Variants in ZBTB21 observed in about 807,000 individuals in gnomAD.
ZBTB21 encodes zinc finger and BTB domain-containing protein 21.
A neutral mutation model predicts 39.8 loss-of-function variants in ZBTB21; 10 were observed. The observed-to-expected ratio is 0.25, with a 90% CI of 0.16 to 0.43. The LOEUF (loss-of-function observed/expected upper bound fraction) is 0.43. ZBTB21 is among the 20% of genes least tolerant of loss of function. The pLI is 1.00. For missense variants in ZBTB21, 1,221 were observed against 1,296.3 expected, an observed-to-expected ratio of 0.94 and a Z score of 0.89; for synonymous variants, 551 against 498.8, an observed-to-expected ratio of 1.10 and a Z score of -1.40.
rs371914276 is a variant in ZBTB21 at position 41,991,615 on chromosome 21, T to C, written c.2481A>G (p.Gln827=). Residue 827 remains glutamine, a synonymous_variant, in exon 3 of 3, where the codon CAA becomes CAG. Coordinates refer to ENST00000310826, the MANE Select transcript of ZBTB21 (RefSeq NM_001098402.2). This position sits in a 1 kb window ranked among gnomAD's most constrained non-coding sequence, Gnocchi z 4.9. ...NGDVTGSSRP[Q]SQPEPNKVNH... ...TTACTTTGTTGGGCTCAGGCTGGGA[T>C]TGGGGCCTTGAAGAACCAGTCACAT... 1.8e-5 allele frequency: 29 copies of C among 1,614,060 alleles called. No homozygotes were observed. In the Middle Eastern group the frequency reaches 4.9e-4, roughly 27 times the overall value.
intron 1 of ZBTB21, chr21:42,009,715 G>A (rs1439479965): frequency 1.3e-5 from 2 of 152,696 alleles, no homozygotes; most frequent in Non-Finnish European, 2.9e-5. Context: ...CGAGGACGGG[G>A]CGGCGGGGCT....
At position 41,991,993 on chromosome 21, in the gene ZBTB21, A is replaced by G; in HGVS notation, c.2103T>C (p.Asn701=). Residue 701 remains asparagine (N), a synonymous_variant, in exon 3 of 3, where the codon AAT becomes AAC. Coordinates refer to ENST00000310826, the MANE Select transcript of ZBTB21 (RefSeq NM_001098402.2). This position sits in a 1 kb window ranked among gnomAD's most constrained non-coding sequence, Gnocchi z 4.9. ...CATGCTCTTTTGGTTTAGCAACTTT[A>G]TTTACTCCAAGGGGTTTTTCTCCTG... ...MHPGEKPLGV[N]KVAKPKEHAP... is the part of the protein sequence containing the mutation. 6.2e-7 allele frequency: 1 copy of G among 1,614,056 alleles called. No individual in the cohort carries two copies. Among genetic ancestry groups the G allele is most frequent in the Non-Finnish European group, 8.5e-7 (1 of 1,180,008 alleles).
intron 1 of ZBTB21, among the ~76,000 whole-genome samples, chr21:42,005,830 C>G (rs925913357): frequency 1.3e-5 from 2 of 152,192 alleles, no homozygotes; most frequent in Admixed American, 6.5e-5. Flanking sequence ...CCCCCACTTT[C>G]TAGTGAGATA....
rs1413205635 is a variant in ZBTB21 at position 41,989,567 on chromosome 21, T to C, written c.*1328A>G. ...GAAACACATTGAACTTTGGATATCC[T>C]ACTGAAAGGCTTTCAATTACAAATT... On this transcript the variant is annotated 3_prime_UTR_variant, in exon 3 of 3. Coordinates refer to ENST00000310826, the MANE Select transcript of ZBTB21 (RefSeq NM_001098402.2). The C allele has an allele frequency of 1.3e-5, 2 of 152,180 alleles. No homozygotes were observed. The highest frequency in any genetic ancestry group is 2.4e-5 in the African/African-American group (1 of 41,464). 9.4% of individuals were successfully genotyped at this position (152,180 alleles called of 1,614,324 possible). A position where few individuals can be genotyped will look rare whatever the true frequency, so the allele number is the denominator to read the frequency against.
chr21:42,008,540 CAAAAAAAAA>C (rs68176203), intron 1 of ZBTB21, among the ~76,000 whole-genome samples: 5 of 60,372 alleles, frequency 8.3e-5, no homozygotes, highest in Admixed American at 2.1e-4. Flanking sequence ...GAAACTCTGT[CAAAAAAAAA>C]AAAAAAAAAA....
At chr21:42,008,707 A>C (rs890989163) in intron 1 of ZBTB21, among the ~76,000 whole-genome samples, 1 of 152,240 alleles carries the variant, frequency 6.6e-6, no homozygotes, top group Admixed American at 6.5e-5. Flanking sequence ...AAGTTCCTCG[A>C]GGGCAGGGGT....
At position 41,993,193 on chromosome 21, in the gene ZBTB21, T is replaced by C; in HGVS notation, c.903A>G (p.Gln301=). The change falls in exon 3 of 3, where the codon CAA becomes CAG. Residue 301 remains glutamine, a synonymous_variant. Transcript: ENST00000310826. ...LLKETNKGNG[Q]GEDRNLLYYS... ...AGTACAACAAGTTTCTATCTTCACC[T>C]TGACCATTTCCTTTGTTAGTTTCTT... The C allele has an allele frequency of 6.2e-7, 1 of 1,613,304 alleles. No homozygotes were observed. The highest frequency in any genetic ancestry group is 8.5e-7 in the Non-Finnish European group (1 of 1,180,032).
At chr21:42,002,208 G>A (rs150451737) in intron 2 of ZBTB21, 36 of 152,242 alleles carry the variant, frequency 2.4e-4, no homozygotes, top group African/African-American at 8.4e-4. Context: ...TCACATTAAG[G>A]CCCTTGTTTT....
At position 41,993,629 on chromosome 21, in the gene ZBTB21, T is replaced by C; in HGVS notation, c.467A>G (p.Asn156Ser). 6.2e-7 allele frequency: 1 copy of C among 1,614,224 alleles called. No homozygotes were observed. The highest frequency in any genetic ancestry group is 8.5e-7 in the Non-Finnish European group (1 of 1,180,040). ...KRSVIVCQSR[N>S]EAQGKTVSQN... ...ACTAACAGTTTTTCCTTGCGCTTCG[T>C]TTCTACTTTGACAAACAATGACACT... Residue 156 changes from asparagine to serine, a missense_variant, in exon 3 of 3, where the codon AAC (asparagine) becomes AGC (serine). Asn to Ser is a conservative substitution (Grantham distance 46). This residue lies in a region of ZBTB21 where 500 missense variants were observed against 465.6 expected (regional missense o/e 1.07). Transcript: ENST00000310826.
Position 41,991,207 on chromosome 21 carries a change from A to C in ZBTB21, c.2889T>G (p.Ala963=). 1 of 1,614,166 alleles carries C rather than the reference A, an allele frequency of 6.2e-7. No individual in the cohort carries two copies. The highest frequency in any genetic ancestry group is 8.5e-7 in the Non-Finnish European group (1 of 1,180,028). Residue 963 remains alanine (A), a synonymous_variant, in exon 3 of 3, where the codon GCT becomes GCG. Coordinates refer to ENST00000310826, the MANE Select transcript of ZBTB21 (RefSeq NM_001098402.2). This position sits in a 1 kb window ranked among gnomAD's most constrained non-coding sequence, Gnocchi z 4.9. ...WSHFQSHMSQ[A]SEESAHKESE... ...ATTCCTTATGTGCCGATTCCTCTGA[A>C]GCCTGAGACATGTGCGATTGGAAGT...
chr21:42,006,442 AAAT>A (rs1001351871), intron 1 of ZBTB21, among the ~76,000 whole-genome samples: 4 of 151,268 alleles, frequency 2.6e-5, no homozygotes, highest in Non-Finnish European at 2.9e-5. Flanking sequence ...AAAAAAAAAA[AAAT>A]TTTTTTTTCT....
chr21:42,005,747 T>C (rs1017198073), intron 1 of ZBTB21, among the ~76,000 whole-genome samples: 3 of 152,220 alleles, frequency 2.0e-5, no homozygotes, highest in African/African-American at 7.2e-5. Flanking sequence ...TTCAACTTAT[T>C]TACTGAATTC....
In ZBTB21 at chr21:41,992,525, A is replaced by G. The variant is rs2065676345; in HGVS notation, c.1571T>C (p.Phe524Ser). ...GTCTTTATTCAAATCAGAATCTGGAAAATCTGCATCAAGGAGAGTAGGGCT... is the reference window on the plus strand; with the variant it reads ...GTCTTTATTCAAATCAGAATCTGGAGAATCTGCATCAAGGAGAGTAGGGCT... ...GSSPTLLDAD[F>S]PDSDLNKDEF... The change falls in exon 3 of 3, where the codon TTT becomes TCT. Residue 524 changes from phenylalanine (F) to serine (S), a missense_variant. By Grantham distance (155) the Phe-to-Ser change is radical (BLOSUM62 -2). Coordinates refer to ENST00000310826, the MANE Select transcript of ZBTB21 (RefSeq NM_001098402.2). The surrounding 1 kb of genome is among the most constrained non-coding windows in gnomAD (Gnocchi z 4.1). 6.2e-7 allele frequency: 1 copy of G among 1,614,084 alleles called. No homozygotes were observed. The highest frequency in any genetic ancestry group is 8.5e-7 in the Non-Finnish European group (1 of 1,180,046).
In ZBTB21 at chr21:41,992,106, ATC is replaced by A; in HGVS notation, c.1988_1989del (p.Arg663IlefsTer23). The A allele has an allele frequency of 6.2e-7, 1 of 1,614,030 alleles. No individual in the cohort carries two copies. Among genetic ancestry groups the A allele is most frequent in the Non-Finnish European group, 8.5e-7 (1 of 1,179,998 alleles). On this transcript the variant is annotated frameshift_variant, in exon 3 of 3. Coordinates refer to ENST00000310826, the MANE Select transcript of ZBTB21 (RefSeq NM_001098402.2). LOFTEE classifies it high-confidence loss of function. This position sits in a 1 kb window ranked among gnomAD's most constrained non-coding sequence, Gnocchi z 4.1. ...QAQQVIKRNLRSRAKGAYICT... is the reference protein window; with the variant it reads ...QAQQVIKRNLXSRAKGAYICT... ...CAAATGTAAGCTCCTTTGGCTCGAG[ATC>A]TCAAGTTCCTCTTGATGACTTGCTG...
intron 1 of ZBTB21, among the ~76,000 whole-genome samples, chr21:42,005,033 A>C (rs1888746423): frequency 6.6e-6 from 1 of 152,148 alleles, no homozygotes; most frequent in Non-Finnish European, 1.5e-5. Flanking sequence ...CTTGTATTCC[A>C]TTTCACCACA....
At position 41,988,822 on chromosome 21, in the gene ZBTB21, G is replaced by A. The variant is rs1271857409; in HGVS notation, c.*2073C>T. 2 of 151,754 alleles carry A rather than the reference G, an allele frequency of 1.3e-5. No individual in the cohort carries two copies. The highest frequency in any genetic ancestry group is 2.4e-5 in the African/African-American group (1 of 41,300). 9.4% of individuals were successfully genotyped at this position (151,754 alleles called of 1,614,324 possible). A position where few individuals can be genotyped will look rare whatever the true frequency, so the allele number is the denominator to read the frequency against. Reference sequence around the variant, plus strand: ...AAAATCTTCGAAAATGTAGCATAAAGGTTTAGGTCCTGGGATACTGAATTT... The same window carrying A: ...AAAATCTTCGAAAATGTAGCATAAAAGTTTAGGTCCTGGGATACTGAATTT... On this transcript the variant is annotated 3_prime_UTR_variant, in exon 3 of 3. Transcript: ENST00000310826.
At position 41,991,308 on chromosome 21, in the gene ZBTB21, G is replaced by A. The variant is rs921538877; in HGVS notation, c.2788C>T (p.Leu930Phe). Residue 930 changes from leucine (L) to phenylalanine (F), a missense_variant, in exon 3 of 3, where the codon CTT becomes TTT. Leu to Phe is a conservative substitution (Grantham distance 22, BLOSUM62 0). Around this residue, in one of 4 missense-constraint regions of ZBTB21, gnomAD observed 523 missense variants for 542.5 expected, o/e 0.96. Coordinates refer to ENST00000310826, the MANE Select transcript of ZBTB21 (RefSeq NM_001098402.2). This position sits in a 1 kb window ranked among gnomAD's most constrained non-coding sequence, Gnocchi z 4.9. ...ATAAATGGTTTCACAGAGCACAGAA[G>A]CTCCTGGTGACGCTCCAGCTGCTTA... ...VHKQLERHQELLCSVKPFICH... is the reference protein window; with the variant it reads ...VHKQLERHQEFLCSVKPFICH... 3 of 1,612,030 alleles carry A rather than the reference G, an allele frequency of 1.9e-6. No individual in the cohort carries two copies. The highest frequency in any genetic ancestry group is 1.3e-5 in the African/African-American group (1 of 74,860).
intron 1 of ZBTB21, among the ~76,000 whole-genome samples, chr21:42,004,704 G>A (rs754171115): frequency 3.9e-5 from 6 of 152,022 alleles, no homozygotes; most frequent in Non-Finnish European, 7.4e-5. Context: ...GGAATGTTGG[G>A]GATTGCTTCT....
chr21:42,010,177 C>A, intron 1 of ZBTB21, 75 bp downstream of exon 1: 1 of 392,924 alleles, frequency 2.5e-6, no homozygotes, highest in Non-Finnish European at 4.5e-6. Context: ...GGAAAGGCCG[C>A]GTTTTGCGGG....
Sources: gnomAD v4.1 joint callset for allele counts (sites outside exome capture counted in the v4.1 genomes callset) on GRCh38, gnomAD v4.1.1 for gene constraint, gnomAD v4.1.1 regional missense constraint, Gnocchi (gnomAD v3.1) non-coding constraint, MANE v1.5 for transcripts, NCBI Gene and HGNC (gene_info 2026-07-23, HGNC 2026-07-21) for gene names.